The following BRD4 variants were observed in gnomAD, a reference collection of about 807,000 sequenced individuals.
BRD4 encodes the protein bromodomain containing 4.
Under a neutral mutation model 142.1 loss-of-function variants are expected in BRD4, and 16 were observed. The ratio of observed to expected loss-of-function variants is 0.11; its 90% CI spans 0.08 to 0.17. The LOEUF (loss-of-function observed/expected upper bound fraction) is 0.17, where lower values mean the gene tolerates loss of function less well. BRD4 is among the 10% of genes least tolerant of loss of function. The pLI, the probability that BRD4 is intolerant of heterozygous loss-of-function variation, is 1.00. For missense variants in BRD4, 1,424 were observed against 1,810.9 expected (o/e 0.79, Z 3.88); for synonymous variants, 833 against 707.5 (o/e 1.18, Z -2.82).
At chr19:15,271,272 C>T (rs554846820) in intron 2 of BRD4, among the ~76,000 whole-genome samples, 29 of 152,290 alleles carry the variant, frequency 1.9e-4, no homozygotes, top group Admixed American at 6.5e-4. Context: ...GGCACTGATG[C>T]GTTTCCCTTC....
chr19:15,270,259 C>T (rs1372140836), intron 2 of BRD4, among the ~76,000 whole-genome samples: 1 of 152,164 alleles, frequency 6.6e-6, no homozygotes, highest in African/African-American at 2.4e-5. Context: ...AAGGCCAGCA[C>T]AGGGTATGGG....
chr19:15,278,744 G>A (rs1463664328), intron 1 of BRD4, among the ~76,000 whole-genome samples: 3 of 151,832 alleles, frequency 2.0e-5, no homozygotes, highest in South Asian at 4.2e-4. Context: ...GACGTTTAAG[G>A]ATGTTGTGAA....
chr19:15,244,183 C>A, intron 13 of BRD4, 48 bp downstream of exon 13: 1 of 1,536,476 alleles, frequency 6.5e-7, no homozygotes, highest in Non-Finnish European at 8.7e-7. Flanking sequence ...ATGGGTAAAC[C>A]GAGGCAGGAA....
intron 1 of BRD4, among the ~76,000 whole-genome samples, chr19:15,297,442 C>T (rs370440934): frequency 1.9e-4 from 29 of 152,170 alleles, no homozygotes; most frequent in African/African-American, 6.8e-4. Context: ...CCACTGCCAC[C>T]GAACCCCCCC....
intron 1 of BRD4, among the ~76,000 whole-genome samples, chr19:15,329,232 A>ATAAT (rs2048136164): frequency 6.6e-6 from 1 of 152,132 alleles, no homozygotes. Context: ...GATTTATGAA[A>ATAAT]CATTAGGAGC....
At chr19:15,322,590 C>A (rs186867394) in intron 1 of BRD4, among the ~76,000 whole-genome samples, 1 of 147,586 alleles carries the variant, frequency 6.8e-6, no homozygotes, top group Non-Finnish European at 1.5e-5. Flanking sequence ...TGGTGGCGGG[C>A]GCCTGTAGTC....
intron 7 of BRD4, among the ~76,000 whole-genome samples, chr19:15,261,321 T>TA (rs919389662): frequency 1.3e-5 from 2 of 151,930 alleles, no homozygotes; most frequent in Non-Finnish European, 2.9e-5. Context: ...CCCTCTCTAC[T>TA]AAAAAACAAA....
At position 15,244,376 on chromosome 19, in the gene BRD4, G is replaced by C. The variant is rs1162746037; in HGVS notation, c.2436C>G (p.Leu812=). Residue 812 remains leucine, a synonymous_variant, in exon 13 of 20, where the codon CTC becomes CTG. Coordinates refer to ENST00000679869, the MANE Select transcript of BRD4 (RefSeq NM_001379291.1). ...CGATGGGGTCAAAGACGCTGCCTGG[G>C]AGCTGGGGCTCCAGGACGGGCACCT... ...ATQVPVLEPQ[L]PGSVFDPIGH... is the part of the protein sequence containing the mutation. The C allele has an allele frequency of 1.9e-6, 3 of 1,605,618 alleles. No individual in the cohort carries two copies. Among genetic ancestry groups the C allele is most frequent in the South Asian group, 1.1e-5 (1 of 89,780 alleles).
At chr19:15,253,821 G>A (rs2145563906) in intron 11 of BRD4, 1 of 1,537,762 alleles carries the variant, frequency 6.5e-7, no homozygotes, top group East Asian at 2.3e-5. Context: ...GCACAGCCTG[G>A]ACCCCCACGC....
At position 15,238,813 on chromosome 19, in the gene BRD4, G is replaced by A; in HGVS notation, c.3950C>T (p.Pro1317Leu). 1 of 1,603,766 alleles carries A rather than the reference G, an allele frequency of 6.2e-7. No individual in the cohort carries two copies. The highest frequency in any genetic ancestry group is 8.5e-7 in the Non-Finnish European group (1 of 1,174,226). Reference sequence around the variant, plus strand: ...CCTCTGCTGGTCCAGCATGGACTGGGGCTGGGAGCTCTGGGCCTGTGGGGT... The same window carrying A: ...CCTCTGCTGGTCCAGCATGGACTGGAGCTGGGAGCTCTGGGCCTGTGGGGT... ...AATPQAQSSQ[P>L]QSMLDQQREL... The change falls in exon 19 of 20, where the codon CCC (proline) becomes CTC (leucine). Residue 1317 changes from proline (P) to leucine (L), a missense_variant. By Grantham distance (98) the Pro-to-Leu change is moderately conservative. Around this residue, in one of 16 missense-constraint regions of BRD4, gnomAD observed 109 missense variants for 117.9 expected, o/e 0.92. Coordinates refer to ENST00000679869, the MANE Select transcript of BRD4 (RefSeq NM_001379291.1). The surrounding 1 kb of genome is among the most constrained non-coding windows in gnomAD (Gnocchi z 7.2).
rs544008810 is a variant in BRD4, at chr19:15,238,847, C to A, written c.3916G>T (p.Ala1306Ser). The stretch of plus-strand genomic sequence containing the variant: ...CTCTGGGCCTGTGGGGTGGCGGCGG[C>A]AGCCACCGCAGCTGCTTGCTGTTGC... ...QQQQQAAAVA[A>S]AATPQAQSSQ... Residue 1306 changes from alanine (A) to serine (S), a missense_variant, in exon 19 of 20, where the codon GCC (alanine) becomes TCC (serine). By Grantham distance (99) the Ala-to-Ser change is moderately conservative. Around this residue, in one of 16 missense-constraint regions of BRD4, gnomAD observed 109 missense variants for 117.9 expected, o/e 0.92. Transcript: ENST00000679869. This position sits in a 1 kb window ranked among gnomAD's most constrained non-coding sequence, Gnocchi z 7.2. The A allele has an allele frequency of 6.9e-6, 11 of 1,601,128 alleles. No homozygotes were observed. Among genetic ancestry groups the A allele is most frequent in the Non-Finnish European group, 9.4e-6 (11 of 1,174,346 alleles).
Position 15,263,819 on chromosome 19 carries a change from A to G in BRD4, c.1213-271T>C, listed in dbSNP as rs564688761. Reference sequence around the variant, plus strand: ...GGAGCCTGAGCCAGAAATGACGGGGAGAACTGATGGAGAGGGCTGGGCCCA... The same window carrying G: ...GGAGCCTGAGCCAGAAATGACGGGGGGAACTGATGGAGAGGGCTGGGCCCA... On this transcript the variant is annotated intron_variant, in intron 6 of 19. Coordinates refer to ENST00000679869, the MANE Select transcript of BRD4 (RefSeq NM_001379291.1). Among the ~76,000 whole-genome samples the G allele has an allele frequency of 2.6e-5, 4 of 152,286 alleles. No homozygotes were observed. The East Asian group carries it at 7.7e-4, about 29-fold the overall frequency.
chr19:15,291,653 C>CAA (rs2047782657), intron 1 of BRD4, among the ~76,000 whole-genome samples: 1 of 152,090 alleles, frequency 6.6e-6, no homozygotes, highest in Non-Finnish European at 1.5e-5. Context: ...AGCTGGTTCC[C>CAA]CTGATATATA....
intron 1 of BRD4, among the ~76,000 whole-genome samples, chr19:15,330,414 A>T (rs558447813): frequency 6.6e-6 from 1 of 152,308 alleles, no homozygotes; most frequent in South Asian, 2.1e-4. Flanking sequence ...ATCAGTGATA[A>T]GATAAAAAGA....
At chr19:15,273,816 CTTTTTTTTTTTT>C (rs920676613) in intron 1 of BRD4, among the ~76,000 whole-genome samples, 2 of 127,386 alleles carry the variant, frequency 1.6e-5, no homozygotes, top group Non-Finnish European at 3.4e-5. Flanking sequence ...CTACCATTTT[CTTTTTTTTTTTT>C]TTTTTTCATC....
Position 15,259,203 on chromosome 19 carries a change from G to A in BRD4, c.1342-2030C>T, listed in dbSNP as rs150602587. Among the ~76,000 whole-genome samples the A allele has an allele frequency of 3.5e-3, 537 of 152,336 alleles. 4 individuals are homozygous for A. In the Middle Eastern group the frequency reaches 0.068, roughly 19 times the overall value. ...GAAGAGCCAGGCCTGCTGCCAAGCA[G>A]CAGGAAGCAGGTTAGAGAAGTGGGC... On this transcript the variant is annotated intron_variant, in intron 7 of 19. Transcript: ENST00000679869.
At chr19:15,261,355 C>A (rs1019187448) in intron 7 of BRD4, among the ~76,000 whole-genome samples, 2 of 152,010 alleles carry the variant, frequency 1.3e-5, no homozygotes, top group Non-Finnish European at 2.9e-5. Context: ...TGGTGGCGTG[C>A]GCCTGTAATC....
chr19:15,315,931 G>T (rs1490739690), intron 1 of BRD4, among the ~76,000 whole-genome samples: 12 of 151,058 alleles, frequency 7.9e-5, no homozygotes, highest in Non-Finnish European at 1.8e-4. Flanking sequence ...CGAGGCGGGC[G>T]GATCACGAGG....
intron 1 of BRD4, among the ~76,000 whole-genome samples, chr19:15,296,327 T>C (rs1233687097): frequency 5.3e-5 from 8 of 152,210 alleles, no homozygotes; most frequent in African/African-American, 1.9e-4. Context: ...CATCAACTGC[T>C]TCTTTATATA....
Sources: allele counts gnomAD v4.1 joint callset (sites outside exome capture counted in the v4.1 genomes callset), GRCh38; gene constraint gnomAD v4.1.1; regional missense constraint gnomAD v4.1.1; non-coding constraint Gnocchi (gnomAD v3.1); transcripts MANE v1.5; gene names NCBI Gene and HGNC (gene_info 2026-07-23, HGNC 2026-07-21).